Variants in ZNF385D observed in about 807,000 individuals in gnomAD.
The protein encoded by ZNF385D is zinc finger protein 385D.
A neutral mutation model predicts 35.8 loss-of-function variants in ZNF385D; 15 were observed. The observed-to-expected ratio is 0.42, with a 90% confidence interval of 0.28 to 0.64. The LOEUF (loss-of-function observed/expected upper bound fraction) is 0.64. ZNF385D is among the 30% of genes least tolerant of loss of function. The pLI is 0.23. For synonymous variants in ZNF385D, 212 were observed against 186.8 expected (o/e 1.13, Z -1.10); for missense variants, 474 against 494.6 (o/e 0.96, Z 0.39).
chr3:21,491,442 G>T (rs1046064416), intron 4 of ZNF385D, among the ~76,000 whole-genome samples: 2 of 151,688 alleles, frequency 1.3e-5, no homozygotes, highest in Non-Finnish European at 2.9e-5. Flanking sequence ...CCCCATCTAA[G>T]AAAAAAACCC....
chr3:21,915,327 G>C (rs542745948), intron 3 of ZNF385D, among the ~76,000 whole-genome samples: 1 of 152,012 alleles, frequency 6.6e-6, no homozygotes, highest in South Asian at 2.1e-4. Flanking sequence ...TTTTCTTTAA[G>C]ATTAGTATTA....
chr3:21,991,632 T>C (rs1442688219), intron 3 of ZNF385D, among the ~76,000 whole-genome samples: 1 of 152,180 alleles, frequency 6.6e-6, no homozygotes, highest in East Asian at 1.9e-4. Context: ...GACAAAGAAC[T>C]GTATTATGGC....
chr3:22,171,793 A>G (rs936044264), intron 2 of ZNF385D, among the ~76,000 whole-genome samples: 1 of 147,228 alleles, frequency 6.8e-6, no homozygotes, highest in Non-Finnish European at 1.5e-5. Flanking sequence ...AGGAGAATGG[A>G]GTGAACCCGG....
chr3:22,077,930 C>G (rs918674630), intron 3 of ZNF385D, among the ~76,000 whole-genome samples: 8 of 152,016 alleles, frequency 5.3e-5, no homozygotes, highest in African/African-American at 1.9e-4. Flanking sequence ...TGAAACCTGA[C>G]TGTGGAGTAT....
chr3:22,095,948 A>T (rs779170), intron 3 of ZNF385D, among the ~76,000 whole-genome samples: 4 of 151,612 alleles, frequency 2.6e-5, no homozygotes, highest in Non-Finnish European at 4.4e-5. Flanking sequence ...CTTTTTTGAG[A>T]GATACATTTT....
chr3:22,002,107 C>A (rs922037335), intron 3 of ZNF385D, among the ~76,000 whole-genome samples: 1 of 109,720 alleles, frequency 9.1e-6, no homozygotes, highest in African/African-American at 5.0e-5. Context: ...CAGAACTAAA[C>A]AAAATAAAGA....
At chr3:22,211,731 A>C (rs1449644430) in intron 2 of ZNF385D, among the ~76,000 whole-genome samples, 1 of 151,934 alleles carries the variant, frequency 6.6e-6, no homozygotes, top group Non-Finnish European at 1.5e-5. Context: ...AGAGTGAGAG[A>C]GGGCAAGAAC....
intron 2 of ZNF385D, among the ~76,000 whole-genome samples, chr3:21,623,705 C>T (rs1356815763): frequency 6.6e-6 from 1 of 151,994 alleles, no homozygotes; most frequent in Non-Finnish European, 1.5e-5. Flanking sequence ...TCTTTGTGTA[C>T]ACATGGTCCT....
At chr3:21,595,161 G>GACCCCACCCAGTAT (rs1459292547) in intron 2 of ZNF385D, among the ~76,000 whole-genome samples, 4 of 152,096 alleles carry the variant, frequency 2.6e-5, no homozygotes, top group African/African-American at 9.7e-5. Context: ...ATATCCATCA[G>GACCCCACCCAGTAT]ACCCCACCCA....
intron 2 of ZNF385D, among the ~76,000 whole-genome samples, chr3:21,621,903 G>A (rs182944144): frequency 6.7e-5 from 10 of 149,870 alleles, no homozygotes; most frequent in East Asian, 4.6e-4. Flanking sequence ...GTGCGTGCAC[G>A]CACGTGTGTG....
chr3:21,460,532 T>C (rs998210973), intron 4 of ZNF385D, among the ~76,000 whole-genome samples: 2 of 151,894 alleles, frequency 1.3e-5, no homozygotes, highest in Non-Finnish European at 2.9e-5. Flanking sequence ...AAAAAATTAT[T>C]ATATTGCATT....
intron 3 of ZNF385D, among the ~76,000 whole-genome samples, chr3:22,044,197 A>ATT (rs1698846876): frequency 6.6e-6 from 1 of 152,054 alleles, no homozygotes; most frequent in South Asian, 2.1e-4. Flanking sequence ...TTAAAGATGA[A>ATT]TTGGCACCAG....
At position 21,818,457 on chromosome 3, in the gene ZNF385D, G is replaced by A. The variant is rs866976329; in HGVS notation, c.326-153429C>T. On this transcript the variant is annotated intron_variant, in intron 3 of 5. Coordinates refer to the ZNF385D transcript ENST00000494108. Reference sequence around the variant, plus strand: ...TGTGGGGAAATCTGAACACTAACTGGTTATTAGATGATATTAAGAAATTAT... The same window carrying A: ...TGTGGGGAAATCTGAACACTAACTGATTATTAGATGATATTAAGAAATTAT... Among the ~76,000 whole-genome samples, 12 of 152,180 alleles carry A rather than the reference G, an allele frequency of 7.9e-5. 1 individual carries two copies. In the Middle Eastern group the frequency reaches 0.014, roughly 173 times the overall value.
intron 7 of ZNF385D, among the ~76,000 whole-genome samples, chr3:21,422,300 T>G (rs1342923874): frequency 6.6e-6 from 1 of 152,212 alleles, no homozygotes; most frequent in Non-Finnish European, 1.5e-5. Context: ...CTGTGCAGAA[T>G]TCTTCACCTC....
intron 3 of ZNF385D, among the ~76,000 whole-genome samples, chr3:21,853,748 A>G (rs1222863015): frequency 6.6e-6 from 1 of 151,824 alleles, no homozygotes; most frequent in Admixed American, 6.6e-5. Flanking sequence ...TGTAAAAAAG[A>G]GGGCCAAGAA....
At chr3:21,744,128 C>G (rs1032801325) in intron 1 of ZNF385D, among the ~76,000 whole-genome samples, 16 of 152,124 alleles carry the variant, frequency 1.1e-4, no homozygotes, top group African/African-American at 3.9e-4. Flanking sequence ...GCTTTGTGAC[C>G]TTGAGAAAGT....
chr3:22,148,426 A>G (rs898087434), intron 3 of ZNF385D, among the ~76,000 whole-genome samples: 3 of 152,204 alleles, frequency 2.0e-5, no homozygotes, highest in South Asian at 2.1e-4. Flanking sequence ...ACTGTAGACC[A>G]TATTTTTAAT....
chr3:21,715,389 A>G (rs1301741075), intron 1 of ZNF385D, among the ~76,000 whole-genome samples: 5 of 151,754 alleles, frequency 3.3e-5, no homozygotes, highest in Admixed American at 6.6e-5. Flanking sequence ...TGAGATAATG[A>G]CCTCCAGTTC....
chr3:22,290,599 G>T (rs551386739), intron 2 of ZNF385D, among the ~76,000 whole-genome samples: 2 of 152,220 alleles, frequency 1.3e-5, no homozygotes, highest in African/African-American at 2.4e-5. Flanking sequence ...GCCTCTGCCC[G>T]CCCCTCCTTC....
Sources: allele counts gnomAD v4.1 joint callset (sites outside exome capture counted in the v4.1 genomes callset), GRCh38; gene constraint gnomAD v4.1.1; transcripts MANE v1.5; gene names NCBI Gene and HGNC (gene_info 2026-07-23, HGNC 2026-07-21).